Variants in ANKRD30BL observed in about 807,000 individuals in gnomAD.
ANKRD30BL encodes the protein ankyrin repeat domain 30B like, also known as putative ankyrin repeat domain-containing protein 30B-like.
A neutral mutation model predicts 18.4 loss-of-function variants in ANKRD30BL; 20 were observed. That is an observed-to-expected ratio of 1.09 (90% CI 0.77 to 1.58). The LOEUF (loss-of-function observed/expected upper bound fraction) is 1.58. Ranked by LOEUF, ANKRD30BL falls within the 40% of genes most tolerant of loss-of-function variation. The probability of loss-of-function intolerance (pLI) is 0.00; values close to 1 mark genes in which losing one functional copy is unlikely to be tolerated. For synonymous variants in ANKRD30BL, 72 were observed against 100.9 expected (o/e 0.71, Z 1.72); for missense variants, 224 against 268.6 (o/e 0.83, Z 1.16).
intron 1 of ANKRD30BL, among the ~76,000 whole-genome samples, chr2:132,222,097 C>A (rs1184092104): frequency 1.4e-5 from 2 of 147,118 alleles, no homozygotes; most frequent in Admixed American, 6.7e-5. Flanking sequence ...GGGGGTCAGC[C>A]CCCCACCCGG....
intron 1 of ANKRD30BL, among the ~76,000 whole-genome samples, chr2:132,224,464 G>A (rs1191368322): frequency 4.0e-5 from 6 of 151,824 alleles, no homozygotes; most frequent in African/African-American, 7.2e-5. Context: ...TGTTGGAAAC[G>A]GGAATATCTT....
Position 132,171,017 on chromosome 2 carries a change from G to A in ANKRD30BL, n.442-13871C>T, listed in dbSNP as rs1357751134. Among the ~76,000 whole-genome samples the A allele has an allele frequency of 2.6e-5, 4 of 152,106 alleles. No individual in the cohort carries two copies. The East Asian group carries it at 5.8e-4, about 22-fold the overall frequency. ...TAAAAATACAAAAAATTAGCCGGGC[G>A]TGGTGGCGGGCGCCTGTAGTCCCAG... On this transcript the variant is annotated intron_variant and non_coding_transcript_variant, in intron 1 of 4. Coordinates refer to the ANKRD30BL transcript ENST00000470729.
chr2:132,192,809 G>C (rs913734188), intron 1 of ANKRD30BL, among the ~76,000 whole-genome samples: 3 of 152,190 alleles, frequency 2.0e-5, no homozygotes, highest in Non-Finnish European at 4.4e-5. Flanking sequence ...GAATGACTCT[G>C]AAAGACAGAA....
chr2:132,172,808 A>G (rs986347200), intron 1 of ANKRD30BL, among the ~76,000 whole-genome samples: 4 of 151,960 alleles, frequency 2.6e-5, no homozygotes, highest in African/African-American at 9.7e-5. Context: ...CCCAGGTTCA[A>G]GTGATTCTTT....
At chr2:132,168,107 G>A (rs1430064977) in intron 1 of ANKRD30BL, among the ~76,000 whole-genome samples, 1 of 152,056 alleles carries the variant, frequency 6.6e-6, no homozygotes, top group African/African-American at 2.4e-5. Flanking sequence ...GTCAGCTGAC[G>A]ATGTATCACT....
At chr2:132,224,357 C>T (rs555446114) in intron 1 of ANKRD30BL, among the ~76,000 whole-genome samples, 1 of 152,194 alleles carries the variant, frequency 6.6e-6, no homozygotes, top group South Asian at 2.1e-4. Context: ...GTGATGTTCG[C>T]ATTCCACTCA....
At chr2:132,227,998 C>G (rs910538865) in intron 1 of ANKRD30BL, among the ~76,000 whole-genome samples, 2 of 152,086 alleles carry the variant, frequency 1.3e-5, no homozygotes, top group Non-Finnish European at 2.9e-5. Flanking sequence ...TTAACTCTTA[C>G]TTTTGATTGA....
intron 1 of ANKRD30BL, among the ~76,000 whole-genome samples, chr2:132,204,713 G>T (rs1679176394): frequency 6.6e-6 from 1 of 152,234 alleles, no homozygotes; most frequent in South Asian, 2.1e-4. Context: ...TCATTTAGAA[G>T]GAAGAGTCAA....
At chr2:132,220,645 C>G (rs1293252804) in intron 1 of ANKRD30BL, among the ~76,000 whole-genome samples, 2 of 152,132 alleles carry the variant, frequency 1.3e-5, no homozygotes, top group Non-Finnish European at 2.9e-5. Flanking sequence ...GGATTGCAGA[C>G]GGAGTCTCGT....
chr2:132,196,266 G>A (rs769042816), intron 1 of ANKRD30BL, among the ~76,000 whole-genome samples: 4 of 152,016 alleles, frequency 2.6e-5, no homozygotes, highest in Non-Finnish European at 5.9e-5. Flanking sequence ...ATCACCTGAG[G>A]TCAGGACTTC....
intron 1 of ANKRD30BL, among the ~76,000 whole-genome samples, chr2:132,212,528 T>C (rs1435727687): frequency 6.6e-6 from 1 of 151,880 alleles, no homozygotes; most frequent in Non-Finnish European, 1.5e-5. Flanking sequence ...TGTCCATTCA[T>C]CTGACAGTGT....
intron 1 of ANKRD30BL, among the ~76,000 whole-genome samples, chr2:132,196,163 A>G (rs960252076): frequency 1.3e-4 from 20 of 151,706 alleles, no homozygotes; most frequent in Admixed American, 5.2e-4. Flanking sequence ...AAAGAAAAAG[A>G]AAAAGAAAAA....
intron 1 of ANKRD30BL, among the ~76,000 whole-genome samples, chr2:132,224,854 T>G (rs1304289961): frequency 6.6e-6 from 1 of 152,004 alleles, no homozygotes; most frequent in Non-Finnish European, 1.5e-5. Context: ...AACTTCTTTG[T>G]GCTGTGTGAA....
At chr2:132,242,613 A>G (rs2104797367) in intron 1 of ANKRD30BL, among the ~76,000 whole-genome samples, 1 of 151,972 alleles carries the variant, frequency 6.6e-6, no homozygotes, top group Middle Eastern at 3.4e-3. Context: ...ACCGAGTTGA[A>G]GCTTTCTTTT....
intron 1 of ANKRD30BL, among the ~76,000 whole-genome samples, chr2:132,194,053 T>A (rs866560253): frequency 1.7e-4 from 18 of 108,896 alleles, no homozygotes; most frequent in African/African-American, 1.0e-3. Flanking sequence ...TCTCTCTCTC[T>A]CTCACACACA....
At chr2:132,182,604 A>G (rs1359721768) in intron 1 of ANKRD30BL, among the ~76,000 whole-genome samples, 2 of 152,226 alleles carry the variant, frequency 1.3e-5, no homozygotes, top group South Asian at 2.1e-4. Context: ...ATAGGAAGAA[A>G]TAAGTTAGGG....
At chr2:132,180,430 C>A (rs1400744343) in intron 1 of ANKRD30BL, among the ~76,000 whole-genome samples, 2 of 152,172 alleles carry the variant, frequency 1.3e-5, no homozygotes, top group Admixed American at 1.3e-4. Context: ...TGCACAATAA[C>A]AAAACTGCTT....
chr2:132,225,108 A>G (rs1055992142), intron 1 of ANKRD30BL, among the ~76,000 whole-genome samples: 1 of 152,098 alleles, frequency 6.6e-6, no homozygotes, highest in Non-Finnish European at 1.5e-5. Flanking sequence ...CTGCAAGTGG[A>G]TATTTGGACC....
chr2:132,257,558 T>C (rs1336801447), exon 1 of ANKRD30BL: 1 of 194,248 alleles, frequency 5.1e-6, no homozygotes, highest in South Asian at 8.3e-5. Context: ...AGGAGGGTCC[T>C]CTGCAAGCCA....
Sources: gnomAD v4.1 joint callset for allele counts (sites outside exome capture counted in the v4.1 genomes callset) on GRCh38, gnomAD v4.1.1 for gene constraint, MANE v1.5 for transcripts, NCBI Gene and HGNC (gene_info 2026-07-23, HGNC 2026-07-21) for gene names.